Variants in DNAH9 observed in about 807,000 individuals in gnomAD.
DNAH9 encodes dynein axonemal heavy chain 9.
A neutral mutation model predicts 471.6 loss-of-function variants in DNAH9; 345 were observed. The observed-to-expected ratio is 0.73, with a 90% confidence interval of 0.67 to 0.80. DNAH9 has a LOEUF of 0.80. Ranked by LOEUF, DNAH9 falls within the 30% of genes least tolerant of loss-of-function variation. The pLI, the probability that DNAH9 is intolerant of heterozygous loss-of-function variation, is 0.00. For missense variants in DNAH9, 5,407 were observed against 5,609.2 expected (o/e 0.96, Z 1.15); for synonymous variants, 2,093 against 2,123.6 (o/e 0.99, Z 0.40).
chr17:11,866,372 C>G (rs1230865910), intron 50 of DNAH9, among the ~76,000 whole-genome samples: 3 of 152,174 alleles, frequency 2.0e-5, no homozygotes, highest in African/African-American at 7.2e-5. Flanking sequence ...GATTGTTCCT[C>G]TGGAAGTTTT....
At position 11,961,880 on chromosome 17, in the gene DNAH9, T is replaced by C. The variant is rs182762599; in HGVS notation, c.12857T>C (p.Met4286Thr). Residue 4286 changes from methionine (M) to threonine (T), a missense_variant, in exon 68 of 69, where the codon ATG becomes ACG. By Grantham distance (81) the Met-to-Thr change is moderately conservative. Around this residue, in one of 3 missense-constraint regions of DNAH9, gnomAD observed 4,636 missense variants for 4,900.3 expected, o/e 0.95. Transcript: ENST00000262442. ...CTTTATCTTCAGGGGGAGCTGACTA[T>C]GACCAGCCACATGGAGAACTTACAG... Reference protein sequence around the residue: ...LELGLKGELTMTSHMENLQNA... With the variant: ...LELGLKGELTTTSHMENLQNA... 3.7e-6 allele frequency: 6 copies of C among 1,608,698 alleles called. No homozygotes were observed. Among genetic ancestry groups the C allele is most frequent in the South Asian group, 1.1e-5 (1 of 90,634 alleles).
chr17:11,721,052 C>T (rs769113218), intron 27 of DNAH9, among the ~76,000 whole-genome samples: 1 of 152,026 alleles, frequency 6.6e-6, no homozygotes, highest in Non-Finnish European at 1.5e-5. Flanking sequence ...AAGAAACACT[C>T]ATTTGGATGT....
At chr17:11,743,015 G>A (rs941581387) in intron 30 of DNAH9, among the ~76,000 whole-genome samples, 5 of 151,830 alleles carry the variant, frequency 3.3e-5, no homozygotes, top group Admixed American at 6.6e-5. Flanking sequence ...CCACTTTTAC[G>A]GCTTTATCCC....
chr17:11,833,749 T>C (rs1165215374), intron 48 of DNAH9, among the ~76,000 whole-genome samples: 1 of 152,166 alleles, frequency 6.6e-6, no homozygotes, highest in Admixed American at 6.5e-5. Context: ...GAAAAAGGGT[T>C]GGTTCCTAAG....
rs750786550 is a variant in DNAH9, at chr17:11,834,824, G to A, written c.9433G>A (p.Asp3145Asn). Reference protein sequence around the residue: ...IMLEVKQKQKDCEEDLAKAEP... With the variant: ...IMLEVKQKQKNCEEDLAKAEP... The stretch of plus-strand genomic sequence containing the variant: ...GCTAGAGGTGAAACAGAAGCAGAAG[G>A]ACTGTGAGGAGGACCTGGCAAAGGC... The change falls in exon 49 of 69, where the codon GAC becomes AAC. Residue 3145 changes from aspartate to asparagine, a missense_variant. Coordinates refer to ENST00000262442, the MANE Select transcript of DNAH9 (RefSeq NM_001372.4). The A allele has an allele frequency of 3.1e-6, 5 of 1,613,940 alleles. No homozygotes were observed. The Admixed American group carries it at 5.0e-5, about 16-fold the overall frequency.
chr17:11,627,946 G>A (rs564895797), intron 6 of DNAH9, among the ~76,000 whole-genome samples: 1 of 152,268 alleles, frequency 6.6e-6, no homozygotes, highest in South Asian at 2.1e-4. Flanking sequence ...CCAGCCTGAT[G>A]GGTCACCCAT....
chr17:11,862,051 T>A (rs1357923911), intron 50 of DNAH9, among the ~76,000 whole-genome samples: 1 of 142,882 alleles, frequency 7.0e-6, no homozygotes, highest in African/African-American at 2.6e-5. Flanking sequence ...CAATTTTGGC[T>A]TTTGTTGCCA....
In DNAH9 at chr17:11,823,021, G is replaced by T; in HGVS notation, c.9233G>T (p.Ser3078Ile). The change falls in exon 48 of 69, where the codon AGC becomes ATC. Residue 3078 changes from serine (S) to isoleucine (I), a missense_variant. This residue lies in a region of DNAH9 where 4,636 missense variants were observed against 4,900.3 expected (regional missense o/e 0.95). Transcript: ENST00000262442. Reference sequence around the variant, plus strand: ...GAGAACGGGCTGCTGAAGCTGCATAGCACCTCTGCCCAGGTGAGCAATGTC... The same window carrying T: ...GAGAACGGGCTGCTGAAGCTGCATATCACCTCTGCCCAGGTGAGCAATGTC... ...RLENGLLKLH[S>I]TSAQVDDLKA... 2 of 1,613,212 alleles carry T rather than the reference G, an allele frequency of 1.2e-6. No homozygotes were observed. The highest frequency in any genetic ancestry group is 1.7e-5 in the Admixed American group (1 of 59,854).
chr17:11,628,681 C>A (rs571762246), intron 6 of DNAH9, among the ~76,000 whole-genome samples: 1 of 152,154 alleles, frequency 6.6e-6, no homozygotes, highest in African/African-American at 2.4e-5. Flanking sequence ...TCTGTTTTTC[C>A]GTCAACATCC....
intron 42 of DNAH9, among the ~76,000 whole-genome samples, chr17:11,795,074 A>T (rs982276903): frequency 1.0e-4 from 3 of 29,382 alleles, no homozygotes; most frequent in Non-Finnish European, 2.1e-4. Context: ...AAAGTATAAT[A>T]AAAAAATACA....
intron 10 of DNAH9, 87 bp downstream of exon 10, chr17:11,640,471 T>A: frequency 1.1e-6 from 1 of 889,340 alleles, no homozygotes; most frequent in Non-Finnish European, 1.9e-6. Context: ...GCAACCTGCT[T>A]AACGAAGGCC....
chr17:11,847,869 G>A (rs72815409), intron 49 of DNAH9, among the ~76,000 whole-genome samples: 9,495 of 152,182 alleles, frequency 0.062, 771 homozygotes, highest in East Asian at 0.42. Context: ...GAAGGTCATA[G>A]GAAGGAGAAA....
intron 12 of DNAH9, among the ~76,000 whole-genome samples, chr17:11,650,485 C>T (rs1357586426): frequency 6.6e-6 from 1 of 152,192 alleles, no homozygotes; most frequent in Non-Finnish European, 1.5e-5. Context: ...ATTTCCTGAA[C>T]CCCTAGCATG....
chr17:11,776,501 G>T (rs1024244662), intron 38 of DNAH9, among the ~76,000 whole-genome samples: 6 of 152,112 alleles, frequency 3.9e-5, no homozygotes, highest in African/African-American at 1.4e-4. Context: ...TAAAGAGAAG[G>T]AGGTTGGAAA....
chr17:11,605,334 C>T (rs978085839), intron 1 of DNAH9, among the ~76,000 whole-genome samples: 3 of 152,176 alleles, frequency 2.0e-5, no homozygotes, highest in Non-Finnish European at 4.4e-5. Flanking sequence ...GACTGTCTCT[C>T]CCTTAGAATA....
At chr17:11,831,093 G>A (rs1970671904) in intron 48 of DNAH9, among the ~76,000 whole-genome samples, 1 of 152,224 alleles carries the variant, frequency 6.6e-6, no homozygotes, top group Non-Finnish European at 1.5e-5. Flanking sequence ...TGACTATATG[G>A]ACACAGCGTA....
chr17:11,722,355 G>C (rs1480308346), intron 27 of DNAH9, among the ~76,000 whole-genome samples: 5 of 152,192 alleles, frequency 3.3e-5, no homozygotes, highest in Admixed American at 1.3e-4. Flanking sequence ...TGGAGCAAAA[G>C]CATAAAGATT....
chr17:11,795,083 CATATATAT>C, intron 42 of DNAH9, among the ~76,000 whole-genome samples: 1 of 149,388 alleles, frequency 6.7e-6, no homozygotes, highest in East Asian at 2.0e-4. Context: ...TAAAAAAATA[CATATATAT>C]ATATAAGACA....
In DNAH9 at chr17:11,835,528, T is replaced by G. The variant is rs540780433; in HGVS notation, c.9507+630T>G. Among the ~76,000 whole-genome samples the G allele has an allele frequency of 2.0e-5, 3 of 152,322 alleles. No homozygotes were observed. In the South Asian group the frequency reaches 6.2e-4, roughly 32 times the overall value. ...GGCACGAGGCTTAGCCACTCTTTTC[T>G]TTTCTCATTTTTCACAATTAACTTT... On this transcript the variant is annotated intron_variant, in intron 49 of 68. Transcript: ENST00000262442.
Sources: allele counts gnomAD v4.1 joint callset (sites outside exome capture counted in the v4.1 genomes callset), GRCh38; gene constraint gnomAD v4.1.1; regional missense constraint gnomAD v4.1.1; transcripts MANE v1.5; gene names NCBI Gene and HGNC (gene_info 2026-07-23, HGNC 2026-07-21).